IMMP2L: variants seen among roughly 807,000 people sequenced by gnomAD.
IMMP2L encodes mitochondrial inner membrane protease subunit 2.
IMMP2L carries 18 observed loss-of-function variants against 19.3 expected under a neutral mutation model. The observed-to-expected ratio is 0.93, with a 90% CI of 0.64 to 1.38. The LOEUF (loss-of-function observed/expected upper bound fraction) is 1.38, where lower values mean the gene tolerates loss of function less well. IMMP2L is among the 40% of genes most tolerant of loss of function. The pLI is 0.00. For synonymous variants in IMMP2L, 76 were observed against 73.0 expected (o/e 1.04, Z -0.21); for missense variants, 233 against 218.2 (o/e 1.07, Z -0.43).
At chr7:111,069,805 A>AC (rs983490946) in intron 3 of IMMP2L, among the ~76,000 whole-genome samples, 11 of 152,146 alleles carry the variant, frequency 7.2e-5, no homozygotes, top group Admixed American at 7.2e-4. Context: ...AAAAAAATTG[A>AC]CCCCCAGGAT....
intron 1 of IMMP2L, among the ~76,000 whole-genome samples, chr7:111,553,190 G>A (rs967527612): frequency 2.0e-5 from 3 of 152,160 alleles, no homozygotes; most frequent in African/African-American, 7.2e-5. Context: ...ATGAGGCTCA[G>A]AGAGGTTAAT....
At chr7:110,979,359 T>G (rs1821014840) in intron 3 of IMMP2L, among the ~76,000 whole-genome samples, 1 of 152,130 alleles carries the variant, frequency 6.6e-6, no homozygotes, top group African/African-American at 2.4e-5. Flanking sequence ...CATTTTAGTA[T>G]TTATCTTTTC....
chr7:110,954,435 T>G (rs2129554554), intron 4 of IMMP2L, among the ~76,000 whole-genome samples: 1 of 152,218 alleles, frequency 6.6e-6, no homozygotes, highest in Admixed American at 6.6e-5. Context: ...GAACAGTGTT[T>G]AACACACAGG....
intron 4 of IMMP2L, among the ~76,000 whole-genome samples, chr7:110,904,829 A>C (rs563179912): frequency 1.4e-4 from 22 of 152,348 alleles, no homozygotes; most frequent in African/African-American, 5.3e-4. Context: ...GGCCTGTTTT[A>C]CTTCTTAAGC....
rs1563176368 is a variant in IMMP2L at position 111,030,908 on chromosome 7, ATATATATATATATATAT to A, written c.240-67360_240-67344del. On this transcript the variant is annotated intron_variant, in intron 3 of 5. Coordinates refer to ENST00000405709, the MANE Select transcript of IMMP2L (RefSeq NM_032549.4). ...TGTATATATATATATATATATATAT[ATATATATATATATATAT>A]AAAATATATATACACGAGAATTAGA... Among the ~76,000 whole-genome samples the A allele has an allele frequency of 9.0e-5, 10 of 110,696 alleles. 1 individual carries two copies. The highest frequency in any genetic ancestry group is 3.6e-4 in the Admixed American group (4 of 11,024). 72.6% of individuals were successfully genotyped at this position (110,696 alleles called of 152,430 possible).
At chr7:110,725,447 C>A (rs1396719753) in intron 5 of IMMP2L, among the ~76,000 whole-genome samples, 3 of 151,870 alleles carry the variant, frequency 2.0e-5, no homozygotes, top group East Asian at 1.9e-4. Flanking sequence ...ATTTAAAATT[C>A]TTTTAATTTC....
At chr7:111,186,629 C>T (rs1221857287) in intron 3 of IMMP2L, among the ~76,000 whole-genome samples, 2 of 152,022 alleles carry the variant, frequency 1.3e-5, no homozygotes, top group Non-Finnish European at 1.5e-5. Flanking sequence ...CGGGGTTTCA[C>T]CTTGTTAGCC....
chr7:110,762,738 A>G (rs962473896), intron 5 of IMMP2L, among the ~76,000 whole-genome samples: 2 of 152,158 alleles, frequency 1.3e-5, no homozygotes, highest in African/African-American at 4.8e-5. Flanking sequence ...GTCCACTTGT[A>G]TTTTGGACAC....
At chr7:110,669,120 G>GAGAGAGAGAA (rs1554389248) in intron 5 of IMMP2L, among the ~76,000 whole-genome samples, 2 of 149,662 alleles carry the variant, frequency 1.3e-5, no homozygotes, top group African/African-American at 5.0e-5. Flanking sequence ...GAGAGAGAGA[G>GAGAGAGAGAA]AGAGAAAGAG....
intron 1 of IMMP2L, among the ~76,000 whole-genome samples, chr7:111,531,800 A>G (rs995994997): frequency 5.3e-5 from 8 of 152,188 alleles, no homozygotes; most frequent in Non-Finnish European, 1.0e-4. Context: ...CCATAACCCA[A>G]GCAAAGCAAT....
chr7:111,317,548 T>C (rs1032492780), intron 3 of IMMP2L, among the ~76,000 whole-genome samples: 8 of 152,106 alleles, frequency 5.3e-5, no homozygotes, highest in Non-Finnish European at 8.8e-5. Context: ...AGAAAAAAAC[T>C]AGTAATAAAA....
At chr7:111,222,684 A>G (rs1812647071) in intron 3 of IMMP2L, among the ~76,000 whole-genome samples, 1 of 152,086 alleles carries the variant, frequency 6.6e-6, no homozygotes, top group African/African-American at 2.4e-5. Context: ...TGAGCTGAAA[A>G]TGAAACATTC....
intron 3 of IMMP2L, among the ~76,000 whole-genome samples, chr7:111,006,184 A>T (rs1271573470): frequency 6.6e-6 from 1 of 152,200 alleles, no homozygotes; most frequent in African/African-American, 2.4e-5. Context: ...CAGTGATGAT[A>T]CATAGATATG....
At chr7:110,963,907 A>C (rs912878929) in intron 3 of IMMP2L, among the ~76,000 whole-genome samples, 16 of 151,964 alleles carry the variant, frequency 1.1e-4, no homozygotes, top group Non-Finnish European at 2.1e-4. Context: ...CTGTGTCCCC[A>C]CCCAAGTCTA....
At chr7:111,375,445 T>C (rs1830601646) in intron 3 of IMMP2L, among the ~76,000 whole-genome samples, 1 of 152,084 alleles carries the variant, frequency 6.6e-6, no homozygotes, top group South Asian at 2.1e-4. Context: ...ACAGTTCTCA[T>C]GTAGGTAGAA....
chr7:110,874,814 G>C (rs799632), intron 5 of IMMP2L, among the ~76,000 whole-genome samples: 3,458 of 152,110 alleles, frequency 0.023, 134 homozygotes, highest in African/African-American at 0.077. Flanking sequence ...TTGACTCACA[G>C]CTTTAGAGAC....
intron 3 of IMMP2L, among the ~76,000 whole-genome samples, chr7:111,313,328 C>T (rs189255165): frequency 3.3e-5 from 5 of 152,136 alleles, no homozygotes; most frequent in African/African-American, 1.2e-4. Context: ...AACTTGCTAG[C>T]AATGGAATCT....
chr7:110,712,289 C>T (rs1192381001), intron 5 of IMMP2L, among the ~76,000 whole-genome samples: 12 of 66,674 alleles, frequency 1.8e-4, no homozygotes, highest in Admixed American at 3.2e-4. Flanking sequence ...TCAGTGTGCC[C>T]CTGCTGGGGG....
chr7:110,816,807 T>C (rs1020053358), intron 5 of IMMP2L, among the ~76,000 whole-genome samples: 7 of 152,024 alleles, frequency 4.6e-5, no homozygotes, highest in Non-Finnish European at 8.8e-5. Flanking sequence ...TTTTTTGTTT[T>C]CCATTTGCTT....
Sources: gnomAD v4.1 joint callset for allele counts (sites outside exome capture counted in the v4.1 genomes callset) on GRCh38, gnomAD v4.1.1 for gene constraint, MANE v1.5 for transcripts, NCBI Gene and HGNC (gene_info 2026-07-23, HGNC 2026-07-21) for gene names.